The following MARCHF4 variants were observed in gnomAD, a reference collection of about 807,000 sequenced individuals.
The protein encoded by MARCHF4 is membrane associated ring-CH-type finger 4, also known as E3 ubiquitin-protein ligase MARCHF4.
A neutral mutation model predicts 43.9 loss-of-function variants in MARCHF4; 14 were observed. The observed-to-expected ratio is 0.32, with a 90% confidence interval of 0.21 to 0.50. The LOEUF (loss-of-function observed/expected upper bound fraction) is 0.50, where lower values mean the gene tolerates loss of function less well. MARCHF4 is among the 20% of genes least tolerant of loss of function. MARCHF4 has a pLI of 0.98. For missense variants in MARCHF4, 468 were observed against 536.7 expected, an observed-to-expected ratio of 0.87 and a Z score of 1.27; for synonymous variants, 226 against 213.3, an observed-to-expected ratio of 1.06 and a Z score of -0.52.
At position 216,370,597 on chromosome 2, in the gene MARCHF4, AG is replaced by A. The variant is rs971882967; in HGVS notation, c.-338del. 4.1e-6 allele frequency: 1 copy of A among 245,008 alleles called. No individual in the cohort carries two copies. Among genetic ancestry groups the A allele is most frequent in the African/African-American group, 2.2e-5 (1 of 44,596 alleles). 15.2% of individuals were successfully genotyped at this position (245,008 alleles called of 1,614,324 possible). On this transcript the variant is annotated 5_prime_UTR_variant, in exon 1 of 4. Coordinates refer to ENST00000273067, the MANE Select transcript of MARCHF4 (RefSeq NM_020814.3). ...CAGAGGGATTGAAGAAGCGTGGTGGAGGGGCCACTAGAGCCTCTGTCGAATT... is the reference window on the plus strand; with the variant it reads ...CAGAGGGATTGAAGAAGCGTGGTGGAGGGCCACTAGAGCCTCTGTCGAATT...
chr2:216,316,541 C>T (rs1559097446), intron 1 of MARCHF4, among the ~76,000 whole-genome samples: 1 of 152,072 alleles, frequency 6.6e-6, no homozygotes, highest in Non-Finnish European at 1.5e-5. Context: ...AATAGGTCCA[C>T]AGTCCTGGGA....
intron 2 of MARCHF4, among the ~76,000 whole-genome samples, chr2:216,279,217 C>T (rs1185146881): frequency 6.6e-6 from 1 of 152,118 alleles, no homozygotes; most frequent in Non-Finnish European, 1.5e-5. Flanking sequence ...AAGACTGCTC[C>T]CGGCAGAGGG....
chr2:216,263,495 G>GAGAGAGAGAGAGAGAGAGAAAGAGAGAA (rs1690780676), intron 3 of MARCHF4, among the ~76,000 whole-genome samples: 1 of 33,868 alleles, frequency 3.0e-5, no homozygotes, highest in African/African-American at 4.7e-5. Flanking sequence ...GAGAGAGAAA[G>GAGAGAGAGAGAGAGAGAGAAAGAGAGAA]AGAGAGAGAG....
At chr2:216,323,804 A>T (rs1258577077) in intron 1 of MARCHF4, among the ~76,000 whole-genome samples, 1 of 152,234 alleles carries the variant, frequency 6.6e-6, no homozygotes, top group African/African-American at 2.4e-5. Context: ...TCTGGGACGC[A>T]TTCAAAGCAG....
At chr2:216,277,158 T>G (rs1159731527) in intron 3 of MARCHF4, among the ~76,000 whole-genome samples, 1 of 152,042 alleles carries the variant, frequency 6.6e-6, no homozygotes, top group African/African-American at 2.4e-5. Flanking sequence ...GAGGCCCCAG[T>G]ACTACACAAA....
chr2:216,357,395 C>T (rs528891767), intron 1 of MARCHF4, among the ~76,000 whole-genome samples: 9 of 152,282 alleles, frequency 5.9e-5, no homozygotes, highest in African/African-American at 2.2e-4. Flanking sequence ...CATCATGGCT[C>T]CCTGCAGCCT....
At chr2:216,354,907 CTTTCTTTCTTT>C (rs1559106519) in intron 1 of MARCHF4, among the ~76,000 whole-genome samples, 5 of 68,186 alleles carry the variant, frequency 7.3e-5, no homozygotes, top group Admixed American at 1.6e-4. Flanking sequence ...TTCTTTCTTT[CTTTCTTTCTTT>C]CTTTCTTTCT....
rs1157561758 is a variant in MARCHF4, at chr2:216,369,964, C to T, written c.297G>A (p.Arg99=). The T allele has an allele frequency of 1.3e-6, 2 of 1,572,862 alleles. No individual in the cohort carries two copies. Among genetic ancestry groups the T allele is most frequent in the South Asian group, 2.3e-5 (2 of 87,628 alleles). ...GWRGPREVVG[R]EPPPVPPPPP... ...GTGGAGGTGGCACAGGAGGGGGCTC[C>T]CTGCCCACCACTTCTCGGGGGCCCC... The change falls in exon 1 of 4, where the codon AGG becomes AGA. Residue 99 remains arginine, a synonymous_variant. Coordinates refer to ENST00000273067, the MANE Select transcript of MARCHF4 (RefSeq NM_020814.3).
At chr2:216,328,772 T>G (rs1046341191) in intron 1 of MARCHF4, among the ~76,000 whole-genome samples, 5 of 152,246 alleles carry the variant, frequency 3.3e-5, no homozygotes, top group African/African-American at 1.2e-4. Flanking sequence ...GTGCAGAGGC[T>G]CACACCTGTA....
intron 1 of MARCHF4, among the ~76,000 whole-genome samples, chr2:216,294,168 T>C (rs1691355634): frequency 6.6e-6 from 1 of 152,228 alleles, no homozygotes; most frequent in Non-Finnish European, 1.5e-5. Context: ...CAGGTCACCA[T>C]GTTCTCTTTC....
chr2:216,280,947 C>T (rs1033470504), intron 2 of MARCHF4, among the ~76,000 whole-genome samples: 1 of 151,940 alleles, frequency 6.6e-6, no homozygotes, highest in Admixed American at 6.6e-5. Context: ...ACTCTCAGGG[C>T]CATGCTGTGC....
intron 1 of MARCHF4, among the ~76,000 whole-genome samples, chr2:216,362,884 A>G (rs1052964363): frequency 1.3e-5 from 2 of 152,154 alleles, no homozygotes; most frequent in African/African-American, 4.8e-5. Context: ...GATGGTATGC[A>G]GCTTGGGCCA....
At chr2:216,295,749 G>C (rs1691380455) in intron 1 of MARCHF4, among the ~76,000 whole-genome samples, 1 of 152,216 alleles carries the variant, frequency 6.6e-6, no homozygotes, top group Admixed American at 6.5e-5. Context: ...GTGTGTATTT[G>C]CCTGGGAGCC....
intron 1 of MARCHF4, among the ~76,000 whole-genome samples, chr2:216,316,211 C>A (rs903203997): frequency 6.6e-6 from 1 of 152,204 alleles, no homozygotes; most frequent in African/African-American, 2.4e-5. Flanking sequence ...CTTCCGCCTT[C>A]GAGGCTGTGA....
chr2:216,331,957 G>A (rs1692086709), intron 1 of MARCHF4, among the ~76,000 whole-genome samples: 2 of 152,162 alleles, frequency 1.3e-5, no homozygotes, highest in Non-Finnish European at 2.9e-5. Context: ...TATACTAGGA[G>A]TCTTAAGCCA....
intron 1 of MARCHF4, among the ~76,000 whole-genome samples, chr2:216,337,089 T>C (rs1183276405): frequency 6.7e-6 from 1 of 150,016 alleles, no homozygotes; most frequent in Non-Finnish European, 1.5e-5. Context: ...GAGACGGAGG[T>C]TGCAGTGAGC....
chr2:216,258,507 G>GGGGTGTGTGTGT lies in MARCHF4; in HGVS notation c.*804_*805insACACACACACCC, dbSNP rs751201484. 6.9e-6 allele frequency: 1 copy of GGGGTGTGTGTGT among 145,150 alleles called. No homozygotes were observed. The highest frequency in any genetic ancestry group is 2.6e-5 in the African/African-American group (1 of 38,814). 9.0% of individuals were successfully genotyped at this position (145,150 alleles called of 1,614,324 possible). A position where few individuals can be genotyped will look rare whatever the true frequency, so the allele number is the denominator to read the frequency against. Reference sequence around the variant, plus strand: ...CTGGAAATCTGTACTTTTCTCTAGGGGTGTGTGTGTGTGTGTGTGTGTGTG... The same window carrying GGGGTGTGTGTGT: ...CTGGAAATCTGTACTTTTCTCTAGGGGGGTGTGTGTGTGTGTGTGTGTGTGTGTGTGTGTGTG... On this transcript the variant is annotated 3_prime_UTR_variant, in exon 4 of 4. Coordinates refer to ENST00000273067, the MANE Select transcript of MARCHF4 (RefSeq NM_020814.3).
chr2:216,344,010 G>T lies in MARCHF4; in HGVS notation c.516+25735C>A, dbSNP rs548525140. Reference sequence around the variant, plus strand: ...GGGGCCAGAGGAAGAAGCCACAGAGGATGGGGCAGGGGAGAGGGGACTGAT... The same window carrying T: ...GGGGCCAGAGGAAGAAGCCACAGAGTATGGGGCAGGGGAGAGGGGACTGAT... On this transcript the variant is annotated intron_variant, in intron 1 of 3. Coordinates refer to ENST00000273067, the MANE Select transcript of MARCHF4 (RefSeq NM_020814.3). 2.7e-4 allele frequency among the ~76,000 whole-genome samples: 41 copies of T among 152,336 alleles called. No homozygotes were observed. In the South Asian group the frequency reaches 8.3e-3, roughly 31 times the overall value.
At chr2:216,288,648 G>A (rs1272069209) in intron 1 of MARCHF4, among the ~76,000 whole-genome samples, 3 of 152,050 alleles carry the variant, frequency 2.0e-5, no homozygotes, top group African/African-American at 7.2e-5. Flanking sequence ...GAAGAGTGCA[G>A]GCCTCTTGCA....
Sources: allele counts gnomAD v4.1 joint callset (sites outside exome capture counted in the v4.1 genomes callset), GRCh38; gene constraint gnomAD v4.1.1; transcripts MANE v1.5; gene names NCBI Gene and HGNC (gene_info 2026-07-23, HGNC 2026-07-21).